HS3ST5: variants seen among roughly 807,000 people sequenced by gnomAD.
HS3ST5 encodes heparan sulfate-glucosamine 3-sulfotransferase 5.
Under a neutral mutation model 25.4 loss-of-function variants are expected in HS3ST5, and 10 were observed. That is an observed-to-expected ratio of 0.39 (90% CI 0.24 to 0.67). The LOEUF (loss-of-function observed/expected upper bound fraction) is 0.67, where lower values mean the gene tolerates loss of function less well. HS3ST5 is among the 30% of genes least tolerant of loss of function. The pLI, the probability that HS3ST5 is intolerant of heterozygous loss-of-function variation, is 0.44. For missense variants in HS3ST5, 324 were observed against 420.7 expected, an observed-to-expected ratio of 0.77 and a Z score of 2.01; for synonymous variants, 170 against 162.4, an observed-to-expected ratio of 1.05 and a Z score of -0.36.
At chr6:114,189,569 G>A (rs1780397484) in intron 2 of HS3ST5, among the ~76,000 whole-genome samples, 2 of 151,806 alleles carry the variant, frequency 1.3e-5, no homozygotes, top group African/African-American at 4.8e-5. Flanking sequence ...TATATTTGCT[G>A]GAAAAATGCC....
At chr6:114,151,117 G>T (rs1008352815) in intron 3 of HS3ST5, among the ~76,000 whole-genome samples, 4 of 152,326 alleles carry the variant, frequency 2.6e-5, no homozygotes, top group Middle Eastern at 3.4e-3. Flanking sequence ...TGTTGATGCT[G>T]AGGCAAAGGA....
chr6:114,315,134 C>G (rs1425027202), intron 1 of HS3ST5, among the ~76,000 whole-genome samples: 1 of 151,914 alleles, frequency 6.6e-6, no homozygotes, highest in Non-Finnish European at 1.5e-5. Flanking sequence ...AAAAATAGAG[C>G]CTTTGTGGAT....
At chr6:114,242,721 C>T (rs1171218017) in intron 1 of HS3ST5, among the ~76,000 whole-genome samples, 3 of 151,890 alleles carry the variant, frequency 2.0e-5, no homozygotes, top group Non-Finnish European at 2.9e-5. Context: ...GGCGCGGTGG[C>T]GGGCGCCTGT....
rs1046469376 is a variant in HS3ST5, at chr6:114,196,433, T to C, written c.-144-27971A>G. ...CCGTCCTTCCGCTGAGTGGGGCTTT[T>C]GTAAAAGAATGAGATATTACAACCT... On this transcript the variant is annotated intron_variant, in intron 2 of 4. Transcript: ENST00000312719. 2.0e-5 allele frequency among the ~76,000 whole-genome samples: 3 copies of C among 152,298 alleles called. No individual in the cohort carries two copies. The Middle Eastern group carries it at 0.01, about 518-fold the overall frequency.
At chr6:114,144,658 A>G in intron 3 of HS3ST5, among the ~76,000 whole-genome samples, 1 of 152,168 alleles carries the variant, frequency 6.6e-6, no homozygotes, top group East Asian at 1.9e-4. Context: ...TTTTAAACAT[A>G]TTTTAACCCC....
chr6:114,341,173 AGG>A (rs1191576700), intron 1 of HS3ST5, among the ~76,000 whole-genome samples: 1 of 43,746 alleles, frequency 2.3e-5, no homozygotes. Flanking sequence ...GGAGGGAGGG[AGG>A]GAGAGGGAGA....
chr6:114,140,859 T>A (rs1369977166), intron 3 of HS3ST5, among the ~76,000 whole-genome samples: 1 of 152,206 alleles, frequency 6.6e-6, no homozygotes, highest in Admixed American at 6.5e-5. Context: ...TTACTAGTTA[T>A]GTAATTTTTT....
At chr6:114,186,074 C>T (rs1780203672) in intron 2 of HS3ST5, among the ~76,000 whole-genome samples, 1 of 151,894 alleles carries the variant, frequency 6.6e-6, no homozygotes, top group Non-Finnish European at 1.5e-5. Context: ...CTGGCCATTC[C>T]CCCTATCTCG....
At chr6:114,205,489 G>A (rs574100393) in intron 2 of HS3ST5, among the ~76,000 whole-genome samples, 1 of 152,212 alleles carries the variant, frequency 6.6e-6, no homozygotes, top group South Asian at 2.1e-4. Context: ...CACCATTCTG[G>A]AAGGACTCTT....
intron 3 of HS3ST5, among the ~76,000 whole-genome samples, chr6:114,110,939 A>G (rs2114847605): frequency 6.6e-6 from 1 of 152,334 alleles, no homozygotes; most frequent in African/African-American, 2.4e-5. Flanking sequence ...TTCTAAGAAT[A>G]TCACTGTGAA....
intron 3 of HS3ST5, among the ~76,000 whole-genome samples, chr6:114,097,064 T>G (rs993142928): frequency 7.2e-5 from 11 of 152,160 alleles, no homozygotes; most frequent in Admixed American, 4.6e-4. Context: ...TCCTCTAGTT[T>G]CCTGATTACT....
chr6:114,172,700 C>A (rs1322903958), intron 2 of HS3ST5, among the ~76,000 whole-genome samples: 1 of 152,176 alleles, frequency 6.6e-6, no homozygotes, highest in Non-Finnish European at 1.5e-5. Flanking sequence ...TTTAATTCTG[C>A]ATTTCATCTG....
intron 3 of HS3ST5, among the ~76,000 whole-genome samples, chr6:114,161,551 A>ATATATATATG (rs1778964448): frequency 4.3e-5 from 4 of 92,844 alleles, no homozygotes; most frequent in African/African-American, 1.1e-4. Context: ...ATATATATAT[A>ATATATATATG]TATATATATA....
At chr6:114,224,241 G>A (rs1350191078) in intron 2 of HS3ST5, among the ~76,000 whole-genome samples, 1 of 151,534 alleles carries the variant, frequency 6.6e-6, no homozygotes, top group Non-Finnish European at 1.5e-5. Context: ...GATACAATTT[G>A]AAAATATTTT....
At chr6:114,307,168 C>T (rs905109547) in intron 1 of HS3ST5, among the ~76,000 whole-genome samples, 3 of 152,160 alleles carry the variant, frequency 2.0e-5, no homozygotes, top group African/African-American at 7.2e-5. Context: ...ACTTTGTAGG[C>T]ACTAAGAGGA....
chr6:114,325,083 T>A (rs924279838), intron 1 of HS3ST5, among the ~76,000 whole-genome samples: 11 of 152,144 alleles, frequency 7.2e-5, no homozygotes, highest in Admixed American at 6.6e-4. Flanking sequence ...ATTGACTGCA[T>A]CAGTTGAATC....
intron 1 of HS3ST5, among the ~76,000 whole-genome samples, chr6:114,285,423 T>C (rs980464634): frequency 6.6e-6 from 1 of 152,034 alleles, no homozygotes. Context: ...AATCTGCACA[T>C]GTACCCTTGA....
intron 3 of HS3ST5, among the ~76,000 whole-genome samples, chr6:114,161,574 T>TATATATATA (rs1396381241): frequency 9.8e-6 from 1 of 102,414 alleles, no homozygotes; most frequent in Non-Finnish European, 2.0e-5. Context: ...TATATATATA[T>TATATATATA]AAAATGCAAT....
intron 2 of HS3ST5, among the ~76,000 whole-genome samples, chr6:114,194,715 C>T (rs1185843541): frequency 6.6e-6 from 1 of 152,126 alleles, no homozygotes; most frequent in African/African-American, 2.4e-5. Context: ...GCTAATGCTG[C>T]CAATTTTAGA....
Sources: allele counts gnomAD v4.1 joint callset (sites outside exome capture counted in the v4.1 genomes callset), GRCh38; gene constraint gnomAD v4.1.1; transcripts MANE v1.5; gene names NCBI Gene and HGNC (gene_info 2026-07-23, HGNC 2026-07-21).